NAALADL2: variants seen among roughly 807,000 people sequenced by gnomAD.
The protein encoded by NAALADL2 is N-acetylated alpha-linked acidic dipeptidase like 2.
In NAALADL2, 76 loss-of-function variants were observed where a neutral mutation model predicts 87.2. The ratio of observed to expected loss-of-function variants is 0.87; its 90% CI spans 0.72 to 1.05. NAALADL2 has a LOEUF of 1.05. Among genes scored for constraint, NAALADL2 ranks in the 50% least tolerant of loss-of-function variants. NAALADL2 has a pLI of 0.00. For synonymous variants in NAALADL2, 354 were observed against 331.0 expected, an observed-to-expected ratio of 1.07 and a Z score of -0.75; for missense variants, 1,089 against 945.8, an observed-to-expected ratio of 1.15 and a Z score of -1.99.
chr3:175,094,124 T>A (rs936696589), intron 1 of NAALADL2, among the ~76,000 whole-genome samples: 3 of 150,926 alleles, frequency 2.0e-5, no homozygotes, highest in African/African-American at 2.4e-5. Flanking sequence ...TCAATGTTTT[T>A]TAAAAAAAAA....
intron 2 of NAALADL2, among the ~76,000 whole-genome samples, chr3:174,559,719 T>C (rs1034817758): frequency 1.3e-5 from 2 of 152,188 alleles, no homozygotes; most frequent in Non-Finnish European, 2.9e-5. Context: ...TGTTGTATGA[T>C]GGAAAGAAGG....
intron 10 of NAALADL2, among the ~76,000 whole-genome samples, chr3:175,586,095 A>G (rs547317779): frequency 6.6e-6 from 1 of 152,336 alleles, no homozygotes; most frequent in East Asian, 1.9e-4. Context: ...GCTGTGGATG[A>G]TGACTATGGC....
intron 2 of NAALADL2, among the ~76,000 whole-genome samples, chr3:175,187,747 A>G (rs951246892): frequency 6.7e-6 from 1 of 148,536 alleles, no homozygotes; most frequent in African/African-American, 2.4e-5. Context: ...CCAGCAGAAT[A>G]TGGAACCACT....
intron 3 of NAALADL2, among the ~76,000 whole-genome samples, chr3:174,816,390 G>A (rs1249866368): frequency 8.6e-6 from 1 of 115,782 alleles, no homozygotes; most frequent in Non-Finnish European, 1.8e-5. Context: ...ATATATATGT[G>A]TGTGTGTGTG....
chr3:175,711,604 A>G (rs1034252102), intron 11 of NAALADL2, among the ~76,000 whole-genome samples: 8 of 151,906 alleles, frequency 5.3e-5, no homozygotes, highest in African/African-American at 1.9e-4. Context: ...CTCATATGTG[A>G]AGAAGAGTTT....
intron 2 of NAALADL2, among the ~76,000 whole-genome samples, chr3:175,205,419 A>G (rs1740664838): frequency 6.6e-6 from 1 of 152,120 alleles, no homozygotes; most frequent in Non-Finnish European, 1.5e-5. Context: ...CTGGATTCTA[A>G]TTTCTCACCT....
At chr3:175,325,778 T>G (rs1273098274) in intron 5 of NAALADL2, among the ~76,000 whole-genome samples, 1 of 152,250 alleles carries the variant, frequency 6.6e-6, no homozygotes, top group Non-Finnish European at 1.5e-5. Flanking sequence ...TTTCTACTTT[T>G]GTTCTAAAAT....
At chr3:175,265,640 G>A (rs1751798219) in intron 4 of NAALADL2, among the ~76,000 whole-genome samples, 1 of 151,322 alleles carries the variant, frequency 6.6e-6, no homozygotes, top group African/African-American at 2.4e-5. Context: ...ACTTTTGGAA[G>A]GAAACATTAT....
chr3:175,797,662 T>C (rs1173221962), intron 13 of NAALADL2, among the ~76,000 whole-genome samples: 2 of 152,154 alleles, frequency 1.3e-5, no homozygotes, highest in African/African-American at 2.4e-5. Flanking sequence ...AAAATGGGTC[T>C]ATAATGGAGG....
chr3:175,701,313 G>C (rs1391207930), intron 11 of NAALADL2, among the ~76,000 whole-genome samples: 1 of 152,122 alleles, frequency 6.6e-6, no homozygotes, highest in Non-Finnish European at 1.5e-5. Flanking sequence ...ATCAGTTATT[G>C]ATCAAGTCTG....
chr3:175,374,220 C>T (rs1188780434), intron 5 of NAALADL2, among the ~76,000 whole-genome samples: 4 of 151,762 alleles, frequency 2.6e-5, no homozygotes, highest in African/African-American at 4.8e-5. Context: ...CTTCTCCTTT[C>T]CCTATCATAA....
intron 5 of NAALADL2, among the ~76,000 whole-genome samples, chr3:175,419,398 A>G (rs1405511247): frequency 6.6e-6 from 1 of 151,840 alleles, no homozygotes; most frequent in Non-Finnish European, 1.5e-5. Context: ...AAAATTATAT[A>G]AAAAATTATT....
chr3:174,885,817 C>G (rs1046441575), intron 1 of NAALADL2, among the ~76,000 whole-genome samples: 1 of 130,436 alleles, frequency 7.7e-6, no homozygotes, highest in Non-Finnish European at 1.6e-5. Flanking sequence ...TTAACTCACA[C>G]AATCACAAGT....
At chr3:174,696,940 C>CT (rs1337560112) in intron 2 of NAALADL2, among the ~76,000 whole-genome samples, 1 of 152,022 alleles carries the variant, frequency 6.6e-6, no homozygotes, top group Admixed American at 6.6e-5. Context: ...TTCAAGGCAG[C>CT]TGGTTTTAAG....
intron 1 of NAALADL2, among the ~76,000 whole-genome samples, chr3:174,544,305 G>T (rs1050323718): frequency 6.6e-6 from 1 of 151,978 alleles, no homozygotes; most frequent in East Asian, 1.9e-4. Context: ...TAATTAGAAG[G>T]TTATATCACA....
intron 3 of NAALADL2, among the ~76,000 whole-genome samples, chr3:175,246,391 C>G (rs1362116416): frequency 6.6e-6 from 1 of 152,130 alleles, no homozygotes; most frequent in Non-Finnish European, 1.5e-5. Flanking sequence ...TTAGTCTAAG[C>G]AGGCTTTTCA....
At chr3:175,597,374 G>C (rs1449040309) in intron 10 of NAALADL2, among the ~76,000 whole-genome samples, 1 of 152,026 alleles carries the variant, frequency 6.6e-6, no homozygotes, top group Non-Finnish European at 1.5e-5. Context: ...TAGAATGAGA[G>C]ATGTGTTAAG....
At chr3:175,622,770 A>G (rs539780532) in intron 10 of NAALADL2, among the ~76,000 whole-genome samples, 2 of 152,288 alleles carry the variant, frequency 1.3e-5, no homozygotes, top group South Asian at 2.1e-4. Context: ...ATGAATAAAA[A>G]TTAAAACTTA....
chr3:175,013,099 T>TATGTATATATATTTATATATAAATATGTA lies in NAALADL2; in HGVS notation c.44-83689_44-83688insGTATATATATTTATATATAAATATGTAAT, dbSNP rs58733049. Among the ~76,000 whole-genome samples the TATGTATATATATTTATATATAAATATGTA allele has an allele frequency of 4.2e-4, 9 of 21,496 alleles. 2 individuals are homozygous for TATGTATATATATTTATATATAAATATGTA. The highest frequency in any genetic ancestry group is 1.5e-3 in the African/African-American group (9 of 6,048). 14.1% of individuals were successfully genotyped at this position (21,496 alleles called of 152,430 possible). ...TATGTAATACATATTTATATATAAATATACATATTTATATATAAATATACA... is the reference window on the plus strand; with the variant it reads ...TATGTAATACATATTTATATATAAATATGTATATATATTTATATATAAATATGTAATACATATTTATATATAAATATACA... On this transcript the variant is annotated intron_variant, in intron 1 of 13. Transcript: ENST00000454872.
Sources: allele counts gnomAD v4.1 joint callset (sites outside exome capture counted in the v4.1 genomes callset), GRCh38; gene constraint gnomAD v4.1.1; transcripts MANE v1.5; gene names NCBI Gene and HGNC (gene_info 2026-07-23, HGNC 2026-07-21).